Variants in DNAAF11 observed in about 807,000 individuals in gnomAD.
The protein encoded by DNAAF11 is leucine rich repeat containing 6.
In DNAAF11, 45 loss-of-function variants were observed where a neutral mutation model predicts 60.8. The observed-to-expected ratio is 0.74, with a 90% CI of 0.58 to 0.95. The LOEUF is 0.95. Ranked by LOEUF, DNAAF11 falls within the 40% of genes least tolerant of loss-of-function variation. The probability of loss-of-function intolerance (pLI) is 0.00; values close to 1 mark genes in which losing one functional copy is unlikely to be tolerated. For synonymous variants in DNAAF11, 191 were observed against 183.5 expected (o/e 1.04, Z -0.33); for missense variants, 546 against 546.2 (o/e 1.00, Z 0.00).
upstream of DNAAF11, among the ~76,000 whole-genome samples, chr8:132,677,091 T>C (rs562106132): frequency 3.3e-5 from 5 of 152,304 alleles, no homozygotes; most frequent in South Asian, 8.3e-4. Context: ...ACAATATGGG[T>C]AAACATCTGT....
At chr8:132,696,754 C>T in the DNAAF11 span, among the ~76,000 whole-genome samples, 2 of 152,102 alleles carry the variant, frequency 1.3e-5, no homozygotes, top group African/African-American at 4.8e-5. Flanking sequence ...TTGAATGGAG[C>T]TGGAGGCCAT....
chr8:132,630,459 T>C (rs1472224699), intron 5 of DNAAF11, among the ~76,000 whole-genome samples: 1 of 151,026 alleles, frequency 6.6e-6, no homozygotes, highest in Non-Finnish European at 1.5e-5. Context: ...TAATTCCAGA[T>C]GAAAAGATAC....
At chr8:132,598,053 G>A (rs1484336926) in intron 10 of DNAAF11, among the ~76,000 whole-genome samples, 1 of 152,108 alleles carries the variant, frequency 6.6e-6, no homozygotes, top group Non-Finnish European at 1.5e-5. Flanking sequence ...GTGTTCATTT[G>A]GAAACATACC....
chr8:132,651,951 A>C (rs1270308328), intron 3 of DNAAF11, among the ~76,000 whole-genome samples: 3 of 152,248 alleles, frequency 2.0e-5, no homozygotes, highest in Non-Finnish European at 4.4e-5. Context: ...AGGTTTGATG[A>C]CTTTGGTAAT....
chr8:132,581,071 G>A (rs1815275461), intron 11 of DNAAF11, among the ~76,000 whole-genome samples: 1 of 152,130 alleles, frequency 6.6e-6, no homozygotes, highest in African/African-American at 2.4e-5. Flanking sequence ...ATCTTAATAA[G>A]AAACACAGGG....
chr8:132,642,395 T>C (rs894785789), intron 3 of DNAAF11, among the ~76,000 whole-genome samples: 2 of 152,250 alleles, frequency 1.3e-5, no homozygotes, highest in Non-Finnish European at 2.9e-5. Context: ...CATGGAGAGA[T>C]GGCATCGAAT....
chr8:132,630,841 T>C (rs939041512), intron 5 of DNAAF11, among the ~76,000 whole-genome samples: 8 of 152,334 alleles, frequency 5.3e-5, no homozygotes, highest in African/African-American at 1.7e-4. Flanking sequence ...TACTATATAC[T>C]ACACAACACA....
intron 10 of DNAAF11, among the ~76,000 whole-genome samples, chr8:132,586,120 T>C (rs1483300466): frequency 1.3e-5 from 2 of 152,174 alleles, no homozygotes; most frequent in Non-Finnish European, 2.9e-5. Context: ...AGACTCTCCC[T>C]AGATTTAGAG....
At chr8:132,641,050 T>C (rs1821802492) in intron 3 of DNAAF11, among the ~76,000 whole-genome samples, 1 of 151,926 alleles carries the variant, frequency 6.6e-6, no homozygotes, top group African/African-American at 2.4e-5. Flanking sequence ...TACAAATAAA[T>C]TGGGGGAGAA....
chr8:132,654,596 G>A (rs1304428255), intron 3 of DNAAF11, among the ~76,000 whole-genome samples: 1 of 151,526 alleles, frequency 6.6e-6, no homozygotes, highest in Non-Finnish European at 1.5e-5. Context: ...CCTCAATGGA[G>A]TGAAACGAGA....
intron 4 of DNAAF11, among the ~76,000 whole-genome samples, chr8:132,635,406 G>A (rs910470289): frequency 2.6e-5 from 4 of 152,148 alleles, no homozygotes; most frequent in African/African-American, 9.7e-5. Context: ...TACTATACAT[G>A]AGTAAAATGA....
At chr8:132,586,814 C>T (rs1323436280) in intron 10 of DNAAF11, among the ~76,000 whole-genome samples, 2 of 152,104 alleles carry the variant, frequency 1.3e-5, no homozygotes, top group Non-Finnish European at 2.9e-5. Context: ...TCTCCCTTTC[C>T]CCTCTCTTGG....
intron 3 of DNAAF11, among the ~76,000 whole-genome samples, chr8:132,645,260 C>T (rs147433158): frequency 0.041 from 6,212 of 152,300 alleles, 427 homozygotes; most frequent in African/African-American, 0.14. Context: ...AACAGACCTG[C>T]AGCTGAGGGT....
intron 8 of DNAAF11, 88 bp downstream of exon 8, chr8:132,614,950 C>T: frequency 3.9e-6 from 3 of 770,740 alleles, no homozygotes; most frequent in Admixed American, 2.2e-5. Flanking sequence ...AAGTCAATTC[C>T]ATTTCAATTT....
At chr8:132,603,088 G>A (rs1342149405) in intron 10 of DNAAF11, among the ~76,000 whole-genome samples, 1 of 152,092 alleles carries the variant, frequency 6.6e-6, no homozygotes, top group Non-Finnish European at 1.5e-5. Flanking sequence ...CACCTGTGTG[G>A]TCACTGAAGG....
the DNAAF11 span, among the ~76,000 whole-genome samples, chr8:132,694,202 T>G: frequency 6.6e-6 from 1 of 152,130 alleles, no homozygotes; most frequent in African/African-American, 2.4e-5. Context: ...TGGAAATTAA[T>G]ATAGAAAAGA....
upstream of DNAAF11, among the ~76,000 whole-genome samples, chr8:132,679,879 T>G (rs534174515): frequency 6.6e-6 from 1 of 152,216 alleles, no homozygotes; most frequent in Non-Finnish European, 1.5e-5. Flanking sequence ...TTAAACCTCT[T>G]TCTTTTGGAC....
At chr8:132,634,361 T>C (rs1020156114) in intron 4 of DNAAF11, among the ~76,000 whole-genome samples, 5 of 152,156 alleles carry the variant, frequency 3.3e-5, no homozygotes, top group Non-Finnish European at 5.9e-5. Context: ...AATGGAGATA[T>C]TGAGAGATGT....
chr8:132,611,276 C>T lies in DNAAF11; in HGVS notation c.1044+18G>A, dbSNP rs1586575127. On this transcript the variant is annotated intron_variant, in intron 9 of 11. Coordinates refer to ENST00000620350, the MANE Select transcript of DNAAF11 (RefSeq NM_012472.6). ...GCTTAGCTTTTGAAATTGTAATAGC[C>T]TACAGGGTTCTACTTACCTTTCCTT... 1 of 1,581,244 alleles carries T rather than the reference C, an allele frequency of 6.3e-7. No individual in the cohort carries two copies. The highest frequency in any genetic ancestry group is 8.7e-7 in the Non-Finnish European group (1 of 1,150,890).
Sources: gnomAD v4.1 joint callset for allele counts (sites outside exome capture counted in the v4.1 genomes callset) on GRCh38, gnomAD v4.1.1 for gene constraint, MANE v1.5 for transcripts, NCBI Gene and HGNC (gene_info 2026-07-23, HGNC 2026-07-21) for gene names.